Variants in YAP1 observed in about 807,000 individuals in gnomAD.
YAP1 encodes Yes1 associated transcriptional regulator.
YAP1 carries 5 observed loss-of-function variants against 56.9 expected under a neutral mutation model. The observed-to-expected ratio is 0.09, with a 90% confidence interval of 0.05 to 0.18. YAP1 has a LOEUF of 0.18. YAP1 is among the 10% of genes least tolerant of loss of function. The pLI is 1.00. For synonymous variants in YAP1, 265 were observed against 248.1 expected (o/e 1.07, Z -0.64); for missense variants, 539 against 651.8 (o/e 0.83, Z 1.88).
At chr11:102,133,874 C>T (rs1163483877) in intron 2 of YAP1, among the ~76,000 whole-genome samples, 8 of 152,122 alleles carry the variant, frequency 5.3e-5, no homozygotes, top group African/African-American at 1.4e-4. Context: ...TAGATTTCAT[C>T]CTGAGGTCTC....
intron 7 of YAP1, 79 bp downstream of exon 7, chr11:102,223,831 C>G: frequency 3.9e-6 from 6 of 1,555,008 alleles, no homozygotes; most frequent in Admixed American, 1.8e-5. Flanking sequence ...TTGTAATAGG[C>G]TATTTGGAAC....
At chr11:102,218,824 T>C (rs1949780550) in intron 6 of YAP1, among the ~76,000 whole-genome samples, 1 of 152,254 alleles carries the variant, frequency 6.6e-6, no homozygotes, top group African/African-American at 2.4e-5. Context: ...CTGCAGTGTC[T>C]GCTGACATAG....
chr11:102,172,185 C>T (rs1361974881), intron 3 of YAP1, among the ~76,000 whole-genome samples: 1 of 112,664 alleles, frequency 8.9e-6, no homozygotes, highest in Admixed American at 1.0e-4. Context: ...AAGAGCAGAA[C>T]TTCTTCTCAA....
At chr11:102,186,194 C>T in intron 4 of YAP1, 63 bp downstream of exon 4, 1 of 1,535,912 alleles carries the variant, frequency 6.5e-7, no homozygotes. Context: ...TGTAAATATA[C>T]TTCGGAAAGC....
intron 4 of YAP1, among the ~76,000 whole-genome samples, chr11:102,197,058 T>C (rs1948610709): frequency 6.6e-6 from 1 of 152,200 alleles, no homozygotes; most frequent in South Asian, 2.1e-4. Context: ...TTGTGTTTTG[T>C]TTTTACTGCT....
rs757399180 is a variant in YAP1, at chr11:102,114,389, C to T, written c.567C>T (p.Phe189=). 5.0e-6 allele frequency: 8 copies of T among 1,607,738 alleles called. No individual in the cohort carries two copies. The East Asian group carries it at 1.6e-4, about 31-fold the overall frequency. ...MAKTSSGQRY[F]LNHIDQTTTW... ...AGACATCTTCTGGTCAGAGATACTT[C>T]TTAAAGTAAGTGAAAATAATGGTGG... The change falls in exon 2 of 9, where the codon TTC becomes TTT. Residue 189 remains phenylalanine, a synonymous_variant. Coordinates refer to ENST00000282441, the MANE Select transcript of YAP1 (RefSeq NM_001130145.3).
chr11:102,201,611 T>A (rs1409126627), intron 4 of YAP1, among the ~76,000 whole-genome samples: 2 of 152,160 alleles, frequency 1.3e-5, no homozygotes, highest in Admixed American at 1.3e-4. Flanking sequence ...CTTGAATCAT[T>A]TTAGTGATCA....
At chr11:102,144,613 T>C (rs1159581050) in intron 2 of YAP1, among the ~76,000 whole-genome samples, 1 of 152,216 alleles carries the variant, frequency 6.6e-6, no homozygotes. Context: ...GTCTGAGTTG[T>C]GTGCTTGTAG....
intron 7 of YAP1, 30 bp downstream of exon 7, chr11:102,223,782 T>C (rs771990590): frequency 6.2e-7 from 1 of 1,612,728 alleles, no homozygotes; most frequent in Non-Finnish European, 8.5e-7. Flanking sequence ...GGTGAATATC[T>C]GAAAAGGATC....
intron 6 of YAP1, 98 bp from the exon 7 acceptor site, chr11:102,223,524 A>G (rs1950051015): frequency 4.6e-6 from 6 of 1,316,614 alleles, no homozygotes; most frequent in South Asian, 4.5e-5. Context: ...TTTTTAATCT[A>G]TCTGCACGGT....
In YAP1 at chr11:102,110,592, C is replaced by A; in HGVS notation, c.-257C>A. 1 of 224,602 alleles carries A rather than the reference C, an allele frequency of 4.5e-6. No individual in the cohort carries two copies. The highest frequency in any genetic ancestry group is 8.5e-6 in the Non-Finnish European group (1 of 117,046). The allele number at this position is 224,602 out of a possible 1,614,324, so 13.9% of individuals were successfully genotyped here. Reference sequence around the variant, plus strand: ...GTTGGAGGGAAAAAGTTCTCAGGCGCCGCAGGTCCGAGTGCCTCGCAGCCC... The same window carrying A: ...GTTGGAGGGAAAAAGTTCTCAGGCGACGCAGGTCCGAGTGCCTCGCAGCCC... On this transcript the variant is annotated 5_prime_UTR_variant, in exon 1 of 9. Coordinates refer to ENST00000282441, the MANE Select transcript of YAP1 (RefSeq NM_001130145.3).
chr11:102,158,354 A>G (rs1946068825), intron 2 of YAP1, among the ~76,000 whole-genome samples: 1 of 152,200 alleles, frequency 6.6e-6, no homozygotes. Context: ...TCATGGACAC[A>G]AAATATTTAC....
intron 2 of YAP1, among the ~76,000 whole-genome samples, chr11:102,151,783 G>C (rs892598354): frequency 6.6e-6 from 1 of 152,176 alleles, no homozygotes. Context: ...ATTGTGGAGA[G>C]AGAAGCTGAT....
At chr11:102,213,321 T>C (rs934054066) in intron 6 of YAP1, among the ~76,000 whole-genome samples, 3 of 152,104 alleles carry the variant, frequency 2.0e-5, no homozygotes, top group African/African-American at 7.2e-5. Context: ...CCGTCTCTAC[T>C]AAAAATACGG....
intron 2 of YAP1, among the ~76,000 whole-genome samples, chr11:102,141,536 A>G (rs1945024389): frequency 6.6e-6 from 1 of 152,228 alleles, no homozygotes; most frequent in Non-Finnish European, 1.5e-5. Flanking sequence ...GAACTCAGGA[A>G]AAAAAGAGAG....
chr11:102,128,965 C>CT (rs11371345), intron 2 of YAP1, among the ~76,000 whole-genome samples: 76,568 of 151,830 alleles, frequency 0.5, 21,123 homozygotes, highest in South Asian at 0.67. Flanking sequence ...CCCTCCCTCT[C>CT]GCTTCCCTAT....
At chr11:102,210,582 A>G (rs572742753) in intron 6 of YAP1, among the ~76,000 whole-genome samples, 4 of 152,302 alleles carry the variant, frequency 2.6e-5, no homozygotes, top group African/African-American at 7.2e-5. Context: ...GGATAACTCA[A>G]TAATAAGCCA....
At chr11:102,121,683 A>G (rs944380312) in intron 2 of YAP1, among the ~76,000 whole-genome samples, 2 of 152,190 alleles carry the variant, frequency 1.3e-5, no homozygotes, top group Non-Finnish European at 2.9e-5. Context: ...GTTGGGTACT[A>G]TCTGCTGTTT....
At chr11:102,122,842 A>T (rs1207450771) in intron 2 of YAP1, among the ~76,000 whole-genome samples, 2 of 144,370 alleles carry the variant, frequency 1.4e-5, no homozygotes, top group Non-Finnish European at 3.0e-5. Flanking sequence ...TGCAGCAGTG[A>T]ATCGAGATCG....
Sources: gnomAD v4.1 joint callset for allele counts (sites outside exome capture counted in the v4.1 genomes callset) on GRCh38, gnomAD v4.1.1 for gene constraint, MANE v1.5 for transcripts, NCBI Gene and HGNC (gene_info 2026-07-23, HGNC 2026-07-21) for gene names.